The following DCAF11 variants were observed in gnomAD, a reference collection of about 807,000 sequenced individuals.
The protein encoded by DCAF11 is DDB1 and CUL4 associated factor 11.
A neutral mutation model predicts 76.1 loss-of-function variants in DCAF11; 44 were observed. The ratio of observed to expected loss-of-function variants is 0.58; its 90% CI spans 0.45 to 0.74. The LOEUF (loss-of-function observed/expected upper bound fraction) is 0.74, where lower values mean the gene tolerates loss of function less well. Among genes scored for constraint, DCAF11 ranks in the 30% least tolerant of loss-of-function variants. The probability of loss-of-function intolerance (pLI) is 0.00; values close to 1 mark genes in which losing one functional copy is unlikely to be tolerated. For synonymous variants in DCAF11, 258 were observed against 255.0 expected, an observed-to-expected ratio of 1.01 and a Z score of -0.11; for missense variants, 604 against 709.4, an observed-to-expected ratio of 0.85 and a Z score of 1.69.
chr14:24,117,038 CCA>C lies in DCAF11; in HGVS notation c.279_280del (p.Pro94CysfsTer6). On this transcript the variant is annotated frameshift_variant, in exon 3 of 15. Transcript: ENST00000446197. LOFTEE classifies it high-confidence loss of function. The surrounding 1 kb of genome is among the most constrained non-coding windows in gnomAD (Gnocchi z 4.3). ...WDGRLGDRYN[P>X]PVDATPDTRE... is the part of the protein sequence containing the mutation. Reference sequence around the variant, plus strand: ...TGGTCGTCTTGGGGATCGATACAACCCACCTGGTAAGAGGAAAAGCCCCTAAT... The same window carrying C: ...TGGTCGTCTTGGGGATCGATACAACCCCTGGTAAGAGGAAAAGCCCCTAAT... 6.2e-7 allele frequency: 1 copy of C among 1,614,148 alleles called. No individual in the cohort carries two copies. Among genetic ancestry groups the C allele is most frequent in the Non-Finnish European group, 8.5e-7 (1 of 1,180,024 alleles).
rs571288480 is a variant in DCAF11, at chr14:24,123,494, C to G, written c.*185C>G. ...CCCATGGGGCAGAGTGGTCTCCTTA[C>G]GTGCTCACACCCAGTCAGCTTGGGT... On this transcript the variant is annotated 3_prime_UTR_variant, in exon 15 of 15. Coordinates refer to ENST00000446197, the MANE Select transcript of DCAF11 (RefSeq NM_025230.5). The G allele has an allele frequency of 2.2e-6, 2 of 908,258 alleles. No individual in the cohort carries two copies. The highest frequency in any genetic ancestry group is 7.2e-5 in the Admixed American group (2 of 27,624). The allele number at this position is 908,258 out of a possible 1,614,324, so 56.3% of individuals were successfully genotyped here. A position where few individuals can be genotyped will look rare whatever the true frequency, so the allele number is the denominator to read the frequency against.
chr14:24,121,871 C>G (rs2037696607), intron 13 of DCAF11: 1 of 211,594 alleles, frequency 4.7e-6, no homozygotes, highest in African/African-American at 2.3e-5. Context: ...GTCGCTAAAG[C>G]AGAAAAGCAT....
At position 24,117,858 on chromosome 14, in the gene DCAF11, T is replaced by C; in HGVS notation, c.476+126T>C. On this transcript the variant is annotated intron_variant, in intron 5 of 14. Coordinates refer to ENST00000446197, the MANE Select transcript of DCAF11 (RefSeq NM_025230.5). The surrounding 1 kb of genome is among the most constrained non-coding windows in gnomAD (Gnocchi z 4.3). Reference sequence around the variant, plus strand: ...GTTAGGTTAAATGGGGTTGAAACTTTGAGAGTAAACAAAGTAGAAAAGTGT... The same window carrying C: ...GTTAGGTTAAATGGGGTTGAAACTTCGAGAGTAAACAAAGTAGAAAAGTGT... The C allele has an allele frequency of 9.3e-7, 1 of 1,080,396 alleles. No homozygotes were observed. The highest frequency in any genetic ancestry group is 1.3e-6 in the Non-Finnish European group (1 of 741,840). 66.9% of individuals were successfully genotyped at this position (1,080,396 alleles called of 1,614,324 possible).
Position 24,115,797 on chromosome 14 carries a change from T to G in DCAF11, c.155+48T>G, listed in dbSNP as rs774845519. On this transcript the variant is annotated intron_variant, in intron 2 of 14. Coordinates refer to ENST00000446197, the MANE Select transcript of DCAF11 (RefSeq NM_025230.5). ...CCCCAGCAGGTGCTACCACAGTGCCTTGATCCCAACTCCAGGCAGGAAAAT... is the reference window on the plus strand; with the variant it reads ...CCCCAGCAGGTGCTACCACAGTGCCGTGATCCCAACTCCAGGCAGGAAAAT... 9 of 1,582,468 alleles carry G rather than the reference T, an allele frequency of 5.7e-6. No homozygotes were observed. The Admixed American group carries it at 1.6e-4, about 28-fold the overall frequency.
chr14:24,115,088 G>C lies in DCAF11; in HGVS notation c.-419G>C, dbSNP rs953434574. 1 of 931,938 alleles carries C rather than the reference G, an allele frequency of 1.1e-6. No homozygotes were observed. The highest frequency in any genetic ancestry group is 4.9e-5 in the South Asian group (1 of 20,482). 57.7% of individuals were successfully genotyped at this position (931,938 alleles called of 1,614,324 possible). A position where few individuals can be genotyped will look rare whatever the true frequency, so the allele number is the denominator to read the frequency against. ...ATTTTCATTGGCTGTCACTGCTGCC[G>C]GCCTTTGTAAGGGGGCGCTCTGATT... On this transcript the variant is annotated 5_prime_UTR_variant, in exon 1 of 15. Transcript: ENST00000446197.
rs1174138994 is a variant in DCAF11, at chr14:24,117,124, A to C, written c.283+80A>C. On this transcript the variant is annotated intron_variant, in intron 3 of 14. Transcript: ENST00000446197. The surrounding 1 kb of genome is among the most constrained non-coding windows in gnomAD (Gnocchi z 4.3). ...ATATTTTGAATGATAGGTTACATTG[A>C]AAGAAGGTACGATAATTTAAGGAAT... 2 of 1,610,496 alleles carry C rather than the reference A, an allele frequency of 1.2e-6. No homozygotes were observed. Among genetic ancestry groups the C allele is most frequent in the African/African-American group, 2.7e-5 (2 of 74,688 alleles).
Position 24,115,089 on chromosome 14 carries a change from G to T in DCAF11, c.-418G>T. The T allele has an allele frequency of 1.1e-6, 1 of 914,980 alleles. No individual in the cohort carries two copies. Among genetic ancestry groups the T allele is most frequent in the Non-Finnish European group, 1.3e-6 (1 of 765,254 alleles). The allele number at this position is 914,980 out of a possible 1,614,324, so 56.7% of individuals were successfully genotyped here. A position where few individuals can be genotyped will look rare whatever the true frequency, so the allele number is the denominator to read the frequency against. ...TTTTCATTGGCTGTCACTGCTGCCG[G>T]CCTTTGTAAGGGGGCGCTCTGATTG... is the stretch of plus-strand genomic sequence containing the variant. On this transcript the variant is annotated 5_prime_UTR_variant, in exon 1 of 15. Coordinates refer to ENST00000446197, the MANE Select transcript of DCAF11 (RefSeq NM_025230.5).
At position 24,124,153 on chromosome 14, in the gene DCAF11, C is replaced by A. The variant is rs568782163; in HGVS notation, c.*844C>A. ...GCGATCCTGTGTAGGAGAAAATACC[C>A]TTCTGGTGCCCCATGAAAAAGGGAA... On this transcript the variant is annotated 3_prime_UTR_variant, in exon 15 of 15. Coordinates refer to ENST00000446197, the MANE Select transcript of DCAF11 (RefSeq NM_025230.5). 4.6e-5 allele frequency: 7 copies of A among 152,364 alleles called. No individual in the cohort carries two copies. The highest frequency in any genetic ancestry group is 1.7e-4 in the African/African-American group (7 of 41,588). The allele number at this position is 152,364 out of a possible 1,614,324, so 9.4% of individuals were successfully genotyped here. A position where few individuals can be genotyped will look rare whatever the true frequency, so the allele number is the denominator to read the frequency against.
At position 24,121,058 on chromosome 14, in the gene DCAF11, C is replaced by T. The variant is rs77478594; in HGVS notation, c.1246+67C>T. ...TGGGAGCCCTGGAGGACCTCCCCCTCAGCCCTCTTTGCCAGGCATTAACTC... is the reference window on the plus strand; with the variant it reads ...TGGGAGCCCTGGAGGACCTCCCCCTTAGCCCTCTTTGCCAGGCATTAACTC... On this transcript the variant is annotated intron_variant, in intron 12 of 14. Coordinates refer to ENST00000446197, the MANE Select transcript of DCAF11 (RefSeq NM_025230.5). The T allele has an allele frequency of 1.4e-3, 2,161 of 1,585,610 alleles. 21 individuals are homozygous for T. Among genetic ancestry groups the T allele is most frequent in the African/African-American group, 6.6e-3 (489 of 74,152 alleles).
chr14:24,115,449 C>A lies in DCAF11; in HGVS notation c.-146C>A. The A allele has an allele frequency of 8.4e-7, 1 of 1,192,730 alleles. No homozygotes were observed. The allele number at this position is 1,192,730 out of a possible 1,614,324, so 73.9% of individuals were successfully genotyped here. On this transcript the variant is annotated 5_prime_UTR_variant, in exon 2 of 15. Coordinates refer to ENST00000446197, the MANE Select transcript of DCAF11 (RefSeq NM_025230.5). ...TAGGCTAAAGAAAAGGGATCTCAGC[C>A]CCGAGGAAGGGTCACCCTCCTAGAG...
chr14:24,115,760 C>T lies in DCAF11; in HGVS notation c.155+11C>T. The T allele has an allele frequency of 1.2e-6, 2 of 1,609,236 alleles. No individual in the cohort carries two copies. The highest frequency in any genetic ancestry group is 1.1e-5 in the South Asian group (1 of 90,152). On this transcript the variant is annotated intron_variant, in intron 2 of 14. Transcript: ENST00000446197. ...CTATCTCCTCCGCAGGTAACTTACCCTCTGGTGTGACCCCCAGCAGGTGCT... is the reference window on the plus strand; with the variant it reads ...CTATCTCCTCCGCAGGTAACTTACCTTCTGGTGTGACCCCCAGCAGGTGCT...
chr14:24,119,405 T>C, intron 9 of DCAF11, 154 bp from the exon 10 acceptor site: 1 of 1,225,026 alleles, frequency 8.2e-7, no homozygotes, highest in Middle Eastern at 2.7e-4. Flanking sequence ...TCAAGCCTCC[T>C]TGAAACACAG....
intron 13 of DCAF11, among the ~76,000 whole-genome samples, chr14:24,122,613 C>T (rs955429281): frequency 1.3e-5 from 2 of 152,198 alleles, no homozygotes; most frequent in African/African-American, 4.8e-5. Context: ...AAGATGCACC[C>T]TGTCCAGATA....
At position 24,119,696 on chromosome 14, in the gene DCAF11, C is replaced by A. The variant is rs1485451261; in HGVS notation, c.907-15C>A. On this transcript the variant is annotated splice_polypyrimidine_tract_variant and intron_variant, in intron 10 of 14. Transcript: ENST00000446197. ...CTAGAAAGAGGTCTTATATCCTGGC[C>A]TCCTTTTCGCCTAGATTGAGTCCCA... The A allele has an allele frequency of 1.9e-6, 3 of 1,614,166 alleles. No homozygotes were observed. Among genetic ancestry groups the A allele is most frequent in the Non-Finnish European group, 2.5e-6 (3 of 1,180,010 alleles).
At chr14:24,120,812 T>G in intron 11 of DCAF11, 26 bp from the exon 12 acceptor site, 8 of 1,611,114 alleles carry the variant, frequency 5.0e-6, no homozygotes, top group Non-Finnish European at 6.8e-6. Flanking sequence ...GCTCTGATGC[T>G]TCACTATCCA....
chr14:24,122,414 C>T (rs1218035443), intron 13 of DCAF11, among the ~76,000 whole-genome samples: 5 of 149,610 alleles, frequency 3.3e-5, no homozygotes, highest in African/African-American at 4.9e-5. Flanking sequence ...CGCTTGAACC[C>T]GGGAGGCAGA....
intron 9 of DCAF11, 131 bp from the exon 10 acceptor site, chr14:24,119,428 C>A: frequency 7.8e-7 from 1 of 1,287,322 alleles, no homozygotes. Context: ...AACTCTTCCC[C>A]CACTTCCTGT....
Position 24,123,002 on chromosome 14 carries a change from G to A in DCAF11, c.1431G>A (p.Lys477=), listed in dbSNP as rs2037719806. Residue 477 remains lysine, a synonymous_variant, in exon 14 of 15, where the codon AAG becomes AAA. Transcript: ENST00000446197. The part of the protein sequence containing the change: ...VYDLLSGHIV[K]KLTNHKACVR... ...ACCTTCTAAGTGGCCACATTGTGAA[G>A]AAGCTGACCAACCACAAGGCCTGTG... The A allele has an allele frequency of 6.2e-7, 1 of 1,614,200 alleles. No homozygotes were observed. The highest frequency in any genetic ancestry group is 8.5e-7 in the Non-Finnish European group (1 of 1,180,032).
chr14:24,117,276 C>A lies in DCAF11; in HGVS notation c.294C>A (p.Thr98=), dbSNP rs1379405807. ...CCTTGGTACTCACAGTGGATGCTAC[C>A]CCTGACACCCGGGAGCTGGAATTCA... ...GDRYNPPVDA[T]PDTRELEFNE... Residue 98 remains threonine (T), a synonymous_variant, in exon 4 of 15, where the codon ACC becomes ACA. Coordinates refer to ENST00000446197, the MANE Select transcript of DCAF11 (RefSeq NM_025230.5). This position sits in a 1 kb window ranked among gnomAD's most constrained non-coding sequence, Gnocchi z 4.3. 6.2e-7 allele frequency: 1 copy of A among 1,614,176 alleles called. No homozygotes were observed. Among genetic ancestry groups the A allele is most frequent in the South Asian group, 1.1e-5 (1 of 91,080 alleles).
Sources: gnomAD v4.1 joint callset for allele counts (sites outside exome capture counted in the v4.1 genomes callset) on GRCh38, gnomAD v4.1.1 for gene constraint, Gnocchi (gnomAD v3.1) non-coding constraint, MANE v1.5 for transcripts, NCBI Gene and HGNC (gene_info 2026-07-23, HGNC 2026-07-21) for gene names.